ATG13: variants seen among roughly 807,000 people sequenced by gnomAD.
ATG13 encodes the protein autophagy related 13, also known as autophagy-related protein 13.
ATG13 carries 23 observed loss-of-function variants against 65.5 expected under a neutral mutation model. The observed-to-expected ratio is 0.35, with a 90% CI of 0.25 to 0.50. The LOEUF is 0.50. Ranked by LOEUF, ATG13 falls within the 20% of genes least tolerant of loss-of-function variation. The pLI, the probability that ATG13 is intolerant of heterozygous loss-of-function variation, is 0.98. For missense variants in ATG13, 566 were observed against 677.0 expected, an observed-to-expected ratio of 0.84 and a Z score of 1.82; for synonymous variants, 252 against 245.2, an observed-to-expected ratio of 1.03 and a Z score of -0.26.
chr11:46,665,439 T>C lies in ATG13; in HGVS notation c.1056T>C (p.His352=). The C allele has an allele frequency of 6.2e-7, 1 of 1,614,178 alleles. No homozygotes were observed. Among genetic ancestry groups the C allele is most frequent in the Non-Finnish European group, 8.5e-7 (1 of 1,180,012 alleles). Residue 352 remains histidine, a synonymous_variant, in exon 14 of 19, where the codon CAT becomes CAC. Transcript: ENST00000683050. The part of the protein sequence containing the change: ...GVPLAPNQPV[H]GTQADQERLA... ...CCCTTGCTCCCAACCAGCCTGTCCA[T>C]GGTACCCAGGCTGACCAGGAGAGAC...
chr11:46,649,049 C>G (rs1326467148), intron 5 of ATG13, 88 bp from the exon 6 acceptor site: 1 of 1,136,628 alleles, frequency 8.8e-7, no homozygotes, highest in South Asian at 1.6e-5. Flanking sequence ...TTTTGCTTAT[C>G]TATACCTTTT....
chr11:46,618,641 C>T (rs1374681865), intron 1 of ATG13, among the ~76,000 whole-genome samples: 1 of 152,114 alleles, frequency 6.6e-6, no homozygotes, highest in Non-Finnish European at 1.5e-5. Context: ...TAAGAAACAA[C>T]AAGCTCTTCC....
intron 1 of ATG13, among the ~76,000 whole-genome samples, chr11:46,621,747 T>C (rs1206889198): frequency 6.6e-6 from 1 of 152,104 alleles, no homozygotes; most frequent in Non-Finnish European, 1.5e-5. Context: ...TTGGGCTTTA[T>C]GCAGGGTACA....
At chr11:46,657,871 TG>T (rs1296575614) in intron 10 of ATG13, among the ~76,000 whole-genome samples, 1 of 152,144 alleles carries the variant, frequency 6.6e-6, no homozygotes, top group Non-Finnish European at 1.5e-5. Flanking sequence ...TTGATGTTAG[TG>T]ATAAGACTTT....
At chr11:46,661,159 T>G (rs1298228511) in intron 11 of ATG13, among the ~76,000 whole-genome samples, 1 of 152,088 alleles carries the variant, frequency 6.6e-6, no homozygotes, top group East Asian at 1.9e-4. Context: ...CCAAGTACTG[T>G]TTTTGTAATT....
chr11:46,657,771 G>A (rs2060332153), intron 10 of ATG13, 149 bp downstream of exon 10: 2 of 648,214 alleles, frequency 3.1e-6, no homozygotes, highest in Non-Finnish European at 5.1e-6. Context: ...AATCAAATGG[G>A]CCAGTTTCCC....
At chr11:46,631,022 T>C (rs952164211) in intron 2 of ATG13, 5 of 152,170 alleles carry the variant, frequency 3.3e-5, no homozygotes, top group African/African-American at 1.2e-4. Flanking sequence ...TATTCACTTT[T>C]TATTTTCCAA....
At chr11:46,669,273 G>C in intron 17 of ATG13, 131 bp from the exon 18 acceptor site, 3 of 1,155,786 alleles carry the variant, frequency 2.6e-6, no homozygotes, top group Non-Finnish European at 3.7e-6. Context: ...GGAGAGAAAA[G>C]TGTAAAGATT....
At position 46,669,492 on chromosome 11, in the gene ATG13, T is replaced by G; in HGVS notation, c.1535T>G (p.Leu512Arg). ...EFQNPPQLSS[L>R]SIDIGAQSMA... ...CAGAACCCACCTCAGCTGAGCAGCC[T>G]CTCCATAGATATTGGAGCACAGTCC... Residue 512 changes from leucine (L) to arginine (R), a missense_variant, in exon 18 of 19, where the codon CTC becomes CGC. Physicochemically the swap from Leu to Arg is moderately radical, Grantham distance 102. Around this residue, in one of 2 missense-constraint regions of ATG13, gnomAD observed 387 missense variants for 409.8 expected, o/e 0.94. Coordinates refer to ENST00000683050, the MANE Select transcript of ATG13 (RefSeq NM_001346311.2). 1 of 1,614,076 alleles carries G rather than the reference T, an allele frequency of 6.2e-7. No homozygotes were observed. Among genetic ancestry groups the G allele is most frequent in the Non-Finnish European group, 8.5e-7 (1 of 1,179,994 alleles).
rs1014943479 is a variant in ATG13, at chr11:46,650,622, T to C, written c.458+305T>C. ...CAAGAGTTTTATTTATTTATTTATT[T>C]AGAGACGGAGTCTCGCTCCATCGCC... On this transcript the variant is annotated intron_variant, in intron 7 of 18. Transcript: ENST00000683050. Among the ~76,000 whole-genome samples the C allele has an allele frequency of 8.5e-5, 13 of 152,234 alleles. No individual in the cohort carries two copies. The East Asian group carries it at 1.9e-3, about 23-fold the overall frequency.
In ATG13 at chr11:46,665,084, C is replaced by T. The variant is rs756145511; in HGVS notation, c.999+125C>T. The stretch of plus-strand genomic sequence containing the variant: ...GCTATATTCTGAAGCAAAACTCTTT[C>T]GTGACTTCAGAGACCAAAAGTGACT... On this transcript the variant is annotated intron_variant, in intron 13 of 18. Coordinates refer to ENST00000683050, the MANE Select transcript of ATG13 (RefSeq NM_001346311.2). 1.1e-5 allele frequency: 11 copies of T among 1,032,704 alleles called. No homozygotes were observed. The Admixed American group carries it at 1.2e-4, about 12-fold the overall frequency. The allele number at this position is 1,032,704 out of a possible 1,614,324, so 64.0% of individuals were successfully genotyped here. A position where few individuals can be genotyped will look rare whatever the true frequency, so the allele number is the denominator to read the frequency against.
chr11:46,618,564 T>C (rs1257581171), intron 1 of ATG13, among the ~76,000 whole-genome samples: 1 of 152,228 alleles, frequency 6.6e-6, no homozygotes, highest in Non-Finnish European at 1.5e-5. Flanking sequence ...TCATTACACT[T>C]AGTTTAAAAC....
intron 7 of ATG13, among the ~76,000 whole-genome samples, chr11:46,654,283 T>TATATATATATATATGTATATATA (rs1555105175): frequency 8.2e-6 from 1 of 122,316 alleles, no homozygotes; most frequent in African/African-American, 3.4e-5. Context: ...TTTTAAAATT[T>TATATATATATATATGTATATATA]TATATATATA....
At chr11:46,667,242 C>G (rs1474128663) in intron 14 of ATG13, among the ~76,000 whole-genome samples, 3 of 152,182 alleles carry the variant, frequency 2.0e-5, no homozygotes, top group Non-Finnish European at 4.4e-5. Context: ...TTTTCCTAAC[C>G]CTTGCTGCTT....
chr11:46,644,480 A>T (rs1014808997), intron 3 of ATG13, 120 bp downstream of exon 3: 1 of 825,870 alleles, frequency 1.2e-6, no homozygotes, highest in Non-Finnish European at 1.9e-6. Flanking sequence ...ATTTTAAGGG[A>T]TACTTCTGTC....
rs941991260 is a variant in ATG13, at chr11:46,673,756, T to C, written c.*1424T>C. The C allele has an allele frequency of 6.6e-6, 1 of 152,226 alleles. No homozygotes were observed. Among genetic ancestry groups the C allele is most frequent in the African/African-American group, 2.4e-5 (1 of 41,450 alleles). The allele number at this position is 152,226 out of a possible 1,614,324, so 9.4% of individuals were successfully genotyped here. On this transcript the variant is annotated 3_prime_UTR_variant, in exon 19 of 19. Coordinates refer to ENST00000683050, the MANE Select transcript of ATG13 (RefSeq NM_001346311.2). Reference sequence around the variant, plus strand: ...CCTCACCCACCTATGATCTGTCCTTTCCCAGCCTCGCTGGTAGTCCTGGTC... The same window carrying C: ...CCTCACCCACCTATGATCTGTCCTTCCCCAGCCTCGCTGGTAGTCCTGGTC...
rs144288230 is a variant in ATG13 at position 46,661,964 on chromosome 11, T to G, written c.790-2033T>G. Among the ~76,000 whole-genome samples, 13 of 152,366 alleles carry G rather than the reference T, an allele frequency of 8.5e-5. No homozygotes were observed. The South Asian group carries it at 2.1e-3, about 24-fold the overall frequency. Reference sequence around the variant, plus strand: ...CTAGTTTGTTTTGGGTGAAAGAGATTCTTGTTCTAAAGTTGCCAGAACAGT... The same window carrying G: ...CTAGTTTGTTTTGGGTGAAAGAGATGCTTGTTCTAAAGTTGCCAGAACAGT... On this transcript the variant is annotated intron_variant, in intron 11 of 18. Coordinates refer to ENST00000683050, the MANE Select transcript of ATG13 (RefSeq NM_001346311.2).
intron 1 of ATG13, chr11:46,625,563 A>G (rs1316851558): frequency 6.6e-6 from 1 of 152,044 alleles, no homozygotes; most frequent in Non-Finnish European, 1.5e-5. Flanking sequence ...TGGGCTGGCC[A>G]AGGCATACAA....
At chr11:46,622,034 C>T (rs774012764) in intron 1 of ATG13, among the ~76,000 whole-genome samples, 6 of 141,156 alleles carry the variant, frequency 4.3e-5, no homozygotes, top group Non-Finnish European at 9.2e-5. Context: ...CAGTTCAGTC[C>T]ACCCTGTTGA....
Sources: allele counts gnomAD v4.1 joint callset (sites outside exome capture counted in the v4.1 genomes callset), GRCh38; gene constraint gnomAD v4.1.1; regional missense constraint gnomAD v4.1.1; transcripts MANE v1.5; gene names NCBI Gene and HGNC (gene_info 2026-07-23, HGNC 2026-07-21).